MRPS33: variants seen among roughly 807,000 people sequenced by gnomAD.
MRPS33 encodes the protein small ribosomal subunit protein mS33.
A neutral mutation model predicts 11.2 loss-of-function variants in MRPS33; 11 were observed. That is an observed-to-expected ratio of 0.99 (90% confidence interval 0.62 to 1.63). The LOEUF (loss-of-function observed/expected upper bound fraction) is 1.63, where lower values mean the gene tolerates loss of function less well. MRPS33 is among the 40% of genes most tolerant of loss of function. The pLI is 0.00. For synonymous variants in MRPS33, 46 were observed against 44.0 expected, an observed-to-expected ratio of 1.05 and a Z score of -0.18; for missense variants, 109 against 127.8, an observed-to-expected ratio of 0.85 and a Z score of 0.71.
At chr7:141,014,833 C>G (rs1335608854) in intron 1 of MRPS33, 78 bp downstream of exon 1, 1 of 152,350 alleles carries the variant, frequency 6.6e-6, no homozygotes. Context: ...CCTGGCGACT[C>G]TACAAGGTTG....
intron 2 of MRPS33, among the ~76,000 whole-genome samples, chr7:141,008,101 T>C (rs1820579494): frequency 6.6e-6 from 1 of 152,160 alleles, no homozygotes; most frequent in Non-Finnish European, 1.5e-5. Context: ...AATATTTTCT[T>C]TATTGGAGAC....
rs1407377569 is a variant in MRPS33, at chr7:141,010,542, A to G, written c.92T>C (p.Met31Thr). Residue 31 changes from methionine (M) to threonine (T), a missense_variant, in exon 2 of 3, where the codon ATG becomes ACG. Transcript: ENST00000324787. ...TTCACTAAACAGTTTCACCACTTTC[A>G]TAGACTTGGAATTAGTAGGCCTGGT... ...EVTRPTNSKS[M>T]KVVKLFSELP... is the part of the protein sequence containing the mutation. 1.9e-6 allele frequency: 3 copies of G among 1,614,170 alleles called. No individual in the cohort carries two copies. Among genetic ancestry groups the G allele is most frequent in the African/African-American group, 1.3e-5 (1 of 75,048 alleles).
chr7:141,012,445 A>G (rs1471358764), intron 1 of MRPS33, among the ~76,000 whole-genome samples: 1 of 152,162 alleles, frequency 6.6e-6, no homozygotes, highest in African/African-American at 2.4e-5. Flanking sequence ...CTAGGGTTAT[A>G]GTCTCAAGGT....
At chr7:141,009,320 C>T (rs1199390063) in intron 2 of MRPS33, among the ~76,000 whole-genome samples, 3 of 151,668 alleles carry the variant, frequency 2.0e-5, no homozygotes, top group Non-Finnish European at 4.4e-5. Flanking sequence ...TTAGTAGAGA[C>T]GGGGTTTCAC....
At chr7:141,007,831 C>T (rs899401734) in intron 2 of MRPS33, among the ~76,000 whole-genome samples, 6 of 152,204 alleles carry the variant, frequency 3.9e-5, no homozygotes, top group African/African-American at 7.2e-5. Context: ...CTGCAGGCCC[C>T]GTCAGCACTC....
intron 2 of MRPS33, 25 bp from the exon 3 acceptor site, chr7:141,006,560 T>C (rs754570553): frequency 6.3e-7 from 1 of 1,581,580 alleles, no homozygotes; most frequent in Admixed American, 1.7e-5. Flanking sequence ...AAAAAATAAT[T>C]AACCAGTTAT....
intron 1 of MRPS33, among the ~76,000 whole-genome samples, chr7:141,013,449 G>A (rs1450089698): frequency 1.3e-5 from 2 of 152,188 alleles, no homozygotes; most frequent in African/African-American, 2.4e-5. Context: ...AGAAACAAAG[G>A]CCCACTTGCT....
At position 141,010,773 on chromosome 7, in the gene MRPS33, T is replaced by C. The variant is rs908489942; in HGVS notation, c.-27-113A>G. 2.7e-5 allele frequency: 21 copies of C among 765,306 alleles called. No homozygotes were observed. The African/African-American group carries it at 2.9e-4, about 11-fold the overall frequency. 47.4% of individuals were successfully genotyped at this position (765,306 alleles called of 1,614,324 possible). ...AAGCCACTCATGGATCAGTGCAGTG[T>C]TGGCAGGATATGCCTTGGAGTGGAG... is the stretch of plus-strand genomic sequence containing the variant. On this transcript the variant is annotated intron_variant, in intron 1 of 2. Transcript: ENST00000324787.
intron 2 of MRPS33, among the ~76,000 whole-genome samples, chr7:141,007,745 G>T (rs905309771): frequency 1.3e-5 from 2 of 152,022 alleles, no homozygotes; most frequent in Non-Finnish European, 2.9e-5. Flanking sequence ...TCAAGCCTCT[G>T]CTTAAACCTC....
rs895864634 is a variant in MRPS33 at position 141,004,401 on chromosome 7, T to C, written c.*2029A>G. The C allele has an allele frequency of 2.0e-5, 3 of 152,230 alleles. No individual in the cohort carries two copies. Among genetic ancestry groups the C allele is most frequent in the African/African-American group, 7.2e-5 (3 of 41,474 alleles). The allele number at this position is 152,230 out of a possible 1,614,324, so 9.4% of individuals were successfully genotyped here. A position where few individuals can be genotyped will look rare whatever the true frequency, so the allele number is the denominator to read the frequency against. ...TTTTATTTTATTTTTTTAAACAGGC[T>C]ATAAAATAGGCCCTAGCCATACCAT... On this transcript the variant is annotated 3_prime_UTR_variant, in exon 3 of 3. Coordinates refer to ENST00000324787, the MANE Select transcript of MRPS33 (RefSeq NM_053035.3).
At chr7:141,013,089 C>CAGAT (rs567930271) in intron 1 of MRPS33, among the ~76,000 whole-genome samples, 7 of 151,376 alleles carry the variant, frequency 4.6e-5, no homozygotes, top group Non-Finnish European at 8.8e-5. Flanking sequence ...GAGAGACAGA[C>CAGAT]AGATAGATAC....
In MRPS33 at chr7:141,003,893, C is replaced by T. The variant is rs1265498015; in HGVS notation, c.*2537G>A. On this transcript the variant is annotated 3_prime_UTR_variant, in exon 3 of 3. Transcript: ENST00000324787. ...TTCTAAGCACGTTTCTGAGATCTTG[C>T]CAATACTTTGTAATACACACATGCT... is the stretch of plus-strand genomic sequence containing the variant. 6.6e-6 allele frequency: 1 copy of T among 152,258 alleles called. No individual in the cohort carries two copies. Among genetic ancestry groups the T allele is most frequent in the African/African-American group, 2.4e-5 (1 of 41,460 alleles). The allele number at this position is 152,258 out of a possible 1,614,324, so 9.4% of individuals were successfully genotyped here.
chr7:141,005,825 C>G lies in MRPS33; in HGVS notation c.*605G>C, dbSNP rs1820511180. The G allele has an allele frequency of 6.6e-6, 1 of 152,504 alleles. No homozygotes were observed. Among genetic ancestry groups the G allele is most frequent in the Admixed American group, 6.5e-5 (1 of 15,304 alleles). The allele number at this position is 152,504 out of a possible 1,614,324, so 9.4% of individuals were successfully genotyped here. A position where few individuals can be genotyped will look rare whatever the true frequency, so the allele number is the denominator to read the frequency against. The stretch of plus-strand genomic sequence containing the variant: ...TGTAATATTAGTCCCTCCCACAAGA[C>G]TGAAACTTACATGAGGTAGGGAGTA... On this transcript the variant is annotated 3_prime_UTR_variant, in exon 3 of 3. Coordinates refer to ENST00000324787, the MANE Select transcript of MRPS33 (RefSeq NM_053035.3).
intron 1 of MRPS33, among the ~76,000 whole-genome samples, chr7:141,012,439 G>A (rs1820699080): frequency 1.3e-5 from 2 of 151,992 alleles, no homozygotes; most frequent in East Asian, 1.9e-4. Context: ...TTAGGACTAG[G>A]GTTATAGTCT....
chr7:141,003,956 T>C lies in MRPS33; in HGVS notation c.*2474A>G, dbSNP rs564528846. 6.6e-6 allele frequency: 1 copy of C among 152,390 alleles called. No individual in the cohort carries two copies. Among genetic ancestry groups the C allele is most frequent in the African/African-American group, 2.4e-5 (1 of 41,586 alleles). 9.4% of individuals were successfully genotyped at this position (152,390 alleles called of 1,614,324 possible). A position where few individuals can be genotyped will look rare whatever the true frequency, so the allele number is the denominator to read the frequency against. On this transcript the variant is annotated 3_prime_UTR_variant, in exon 3 of 3. Coordinates refer to ENST00000324787, the MANE Select transcript of MRPS33 (RefSeq NM_053035.3). ...CTTAGGGACTAAGTCTATTTGTCTCTGTATCCTCTACAACTATCACGTGTC... is the reference window on the plus strand; with the variant it reads ...CTTAGGGACTAAGTCTATTTGTCTCCGTATCCTCTACAACTATCACGTGTC...
chr7:141,006,556 T>A (rs753694383), intron 2 of MRPS33, 21 bp from the exon 3 acceptor site: 1 of 1,589,778 alleles, frequency 6.3e-7, no homozygotes, highest in East Asian at 2.2e-5. Context: ...AAGGAAAAAA[T>A]AATTAACCAG....
At chr7:141,014,876 T>G (rs1202153642) in intron 1 of MRPS33, 35 bp downstream of exon 1, 5 of 152,608 alleles carry the variant, frequency 3.3e-5, no homozygotes, top group African/African-American at 1.2e-4. Flanking sequence ...CCATCGCCCC[T>G]TGCTGCAGAC....
At chr7:141,010,122 T>G (rs911500552) in intron 2 of MRPS33, 2 of 248,646 alleles carry the variant, frequency 8.0e-6, no homozygotes, top group African/African-American at 4.6e-5. Flanking sequence ...CTTTTTAGAG[T>G]GCTCTTAGAT....
At chr7:141,007,584 C>A (rs1383816996) in intron 2 of MRPS33, among the ~76,000 whole-genome samples, 1 of 152,190 alleles carries the variant, frequency 6.6e-6, no homozygotes. Context: ...TATGGCTTCA[C>A]AGCCCCTTGC....
Sources: gnomAD v4.1 joint callset for allele counts (sites outside exome capture counted in the v4.1 genomes callset) on GRCh38, gnomAD v4.1.1 for gene constraint, MANE v1.5 for transcripts, NCBI Gene and HGNC (gene_info 2026-07-23, HGNC 2026-07-21) for gene names.